The following MFAP5 variants were observed in gnomAD, a reference collection of about 807,000 sequenced individuals.
MFAP5 encodes the protein microfibrillar-associated protein 5.
Under a neutral mutation model 30.1 loss-of-function variants are expected in MFAP5, and 19 were observed. That is an observed-to-expected ratio of 0.63 (90% CI 0.44 to 0.93). The LOEUF is 0.93. Ranked by LOEUF, MFAP5 falls within the 40% of genes least tolerant of loss-of-function variation. MFAP5 has a pLI of 0.00. For missense variants in MFAP5, 210 were observed against 221.3 expected (o/e 0.95, Z 0.32); for synonymous variants, 92 against 72.9 (o/e 1.26, Z -1.33).
intron 7 of MFAP5, among the ~76,000 whole-genome samples, chr12:8,651,287 C>A (rs897704981): frequency 3.3e-5 from 5 of 152,052 alleles, no homozygotes; most frequent in Admixed American, 2.0e-4. Context: ...AGTTTTCAAC[C>A]CTAGCTATAT....
At chr12:8,654,504 G>T in intron 5 of MFAP5, 23 bp from the exon 6 acceptor site, 1 of 1,593,398 alleles carries the variant, frequency 6.3e-7, no homozygotes, top group South Asian at 1.1e-5. Context: ...AAAACAGCAG[G>T]TATGAGGAGG....
chr12:8,654,598 GT>G, intron 5 of MFAP5, 117 bp from the exon 6 acceptor site: 2 of 931,852 alleles, frequency 2.1e-6, no homozygotes, highest in Non-Finnish European at 3.4e-6. Context: ...CTGGCTTTGT[GT>G]TTTATGTATA....
At chr12:8,661,097 A>G (rs1004851490) in intron 2 of MFAP5, among the ~76,000 whole-genome samples, 199 bp from the exon 3 acceptor site, 2 of 152,182 alleles carry the variant, frequency 1.3e-5, no homozygotes, top group Non-Finnish European at 2.9e-5. Context: ...CTTCAGAAAG[A>G]CAAGTTCCTT....
chr12:8,655,935 T>C, intron 3 of MFAP5, 105 bp from the exon 4 acceptor site: 4 of 930,304 alleles, frequency 4.3e-6, no homozygotes, highest in South Asian at 2.8e-5. Context: ...CGGAGTTGAG[T>C]ATCCCACAAA....
At chr12:8,655,263 G>T in intron 5 of MFAP5, 152 bp downstream of exon 5, 1 of 777,000 alleles carries the variant, frequency 1.3e-6, no homozygotes, top group Non-Finnish European at 2.0e-6. Context: ...TCCAGCCTGG[G>T]CAACAGAATG....
At chr12:8,661,699 G>C (rs1184948488) in intron 2 of MFAP5, among the ~76,000 whole-genome samples, 7 of 151,758 alleles carry the variant, frequency 4.6e-5, no homozygotes, top group Non-Finnish European at 8.8e-5. Flanking sequence ...TTTCTAGGTA[G>C]TCCCTCCTCT....
Position 8,649,501 on chromosome 12 carries a change from C to A in MFAP5, c.409G>T (p.Asp137Tyr). The A allele has an allele frequency of 1.2e-6, 2 of 1,613,604 alleles. No homozygotes were observed. Among genetic ancestry groups the A allele is most frequent in the Non-Finnish European group, 1.7e-6 (2 of 1,179,636 alleles). ...LVCKEHEAMK[D>Y]ELCRQMAGLP... Reference sequence around the variant, plus strand: ...ATTAAACATCCAGACATCATCTTACCTTTCATAGCTTCGTGTTCCTTACAG... The same window carrying A: ...ATTAAACATCCAGACATCATCTTACATTTCATAGCTTCGTGTTCCTTACAG... Residue 137 changes from aspartate (D) to tyrosine (Y), a missense_variant and splice_region_variant, in exon 9 of 10, where the codon GAT (aspartate) becomes TAT (tyrosine). Coordinates refer to ENST00000359478, the MANE Select transcript of MFAP5 (RefSeq NM_003480.4).
At chr12:8,654,163 C>T (rs1287156751) in intron 6 of MFAP5, 1 of 294,934 alleles carries the variant, frequency 3.4e-6, no homozygotes, top group Non-Finnish European at 6.3e-6. Flanking sequence ...CAAAGCATTA[C>T]TTCTTCTACC....
At position 8,648,096 on chromosome 12, in the gene MFAP5, G is replaced by A. The variant is rs780048039; in HGVS notation, c.517C>T (p.Leu173=). The change falls in exon 10 of 10, where the codon CTG becomes TTG. Residue 173 remains leucine, a synonymous_variant. Coordinates refer to ENST00000359478, the MANE Select transcript of MFAP5 (RefSeq NM_003480.4). ...ENVDLQRPNG[L] is the part of the protein sequence containing the mutation. ...TCTTTCCTCTTTTTCAATGATCACA[G>A]ACCATTGGGTCTCTGCAAATCCACA... 1 of 1,610,598 alleles carries A rather than the reference G, an allele frequency of 6.2e-7. No homozygotes were observed. Among genetic ancestry groups the A allele is most frequent in the Admixed American group, 1.7e-5 (1 of 59,970 alleles).
intron 7 of MFAP5, 115 bp downstream of exon 7, chr12:8,651,547 A>G: frequency 9.3e-7 from 1 of 1,072,366 alleles, no homozygotes; most frequent in Non-Finnish European, 1.4e-6. Context: ...ATACTCTTTG[A>G]GAAATAATTG....
rs1941742889 is a variant in MFAP5 at position 8,648,464 on chromosome 12, A to G, written c.410-261T>C. On this transcript the variant is annotated intron_variant, in intron 9 of 9. Coordinates refer to ENST00000359478, the MANE Select transcript of MFAP5 (RefSeq NM_003480.4). Reference sequence around the variant, plus strand: ...CAACAGTATATTTCTGAGTATTAAAATGAAATCATGTATGCAAAGTACCTA... The same window carrying G: ...CAACAGTATATTTCTGAGTATTAAAGTGAAATCATGTATGCAAAGTACCTA... 8.5e-6 allele frequency: 10 copies of G among 1,176,860 alleles called. No homozygotes were observed. In the South Asian group the frequency reaches 1.2e-4, roughly 15 times the overall value. 72.9% of individuals were successfully genotyped at this position (1,176,860 alleles called of 1,614,324 possible). A position where few individuals can be genotyped will look rare whatever the true frequency, so the allele number is the denominator to read the frequency against.
chr12:8,650,363 C>T, intron 8 of MFAP5, 139 bp downstream of exon 8: 1 of 712,182 alleles, frequency 1.4e-6, no homozygotes, highest in Non-Finnish European at 2.5e-6. Context: ...TTGGTACATT[C>T]AGCAATAACT....
rs1378492625 is a variant in MFAP5, at chr12:8,648,658, C to G, written c.410-455G>C. The G allele has an allele frequency of 7.1e-6, 4 of 565,220 alleles. No homozygotes were observed. The Admixed American group carries it at 9.5e-5, about 13-fold the overall frequency. The allele number at this position is 565,220 out of a possible 1,614,324, so 35.0% of individuals were successfully genotyped here. A position where few individuals can be genotyped will look rare whatever the true frequency, so the allele number is the denominator to read the frequency against. Reference sequence around the variant, plus strand: ...AAGTCCCTTGAGATACTTGAAAGTGCCTAGAGTCCCAAATACCCATCCTCA... The same window carrying G: ...AAGTCCCTTGAGATACTTGAAAGTGGCTAGAGTCCCAAATACCCATCCTCA... On this transcript the variant is annotated intron_variant, in intron 9 of 9. Coordinates refer to ENST00000359478, the MANE Select transcript of MFAP5 (RefSeq NM_003480.4).
Position 8,654,451 on chromosome 12 carries a change from GA to G in MFAP5, c.202del (p.Ser68ProfsTer68). 1 of 1,603,540 alleles carries G rather than the reference GA, an allele frequency of 6.2e-7. No homozygotes were observed. The highest frequency in any genetic ancestry group is 1.1e-5 in the South Asian group (1 of 88,578). On this transcript the variant is annotated frameshift_variant, in exon 6 of 10. Coordinates refer to ENST00000359478, the MANE Select transcript of MFAP5 (RefSeq NM_003480.4). LOFTEE classifies it high-confidence loss of function. The stretch of plus-strand genomic sequence containing the variant: ...TCTGAACTCACCCAAGTCATCTGTG[GA>G]AGGTGCAATATCAGCCAAAACAGCC... ...VLAVLADIAPSTDDLASLSEK... is the reference protein window; with the variant it reads ...VLAVLADIAPXTDDLASLSEK...
intron 3 of MFAP5, among the ~76,000 whole-genome samples, chr12:8,658,778 G>A (rs35337965): frequency 0.078 from 11,865 of 151,380 alleles, 534 homozygotes; most frequent in Non-Finnish European, 0.084. Flanking sequence ...CCATATAAAT[G>A]CTTTATCTAG....
At chr12:8,660,129 T>C (rs1029419830) in intron 3 of MFAP5, among the ~76,000 whole-genome samples, 1 of 152,018 alleles carries the variant, frequency 6.6e-6, no homozygotes, top group Non-Finnish European at 1.5e-5. Context: ...AAAAATACCT[T>C]TTGGGTTTTG....
At position 8,645,956 on chromosome 12, in the gene MFAP5, G is replaced by T. The variant is rs900475912; in HGVS notation, c.*2135C>A. ...GAAGAGAAAAAGAACCAGAACAAAA[G>T]ACATTTTATTTTGAGAAATAAATTG... is the stretch of plus-strand genomic sequence containing the variant. On this transcript the variant is annotated 3_prime_UTR_variant, in exon 10 of 10. Coordinates refer to ENST00000359478, the MANE Select transcript of MFAP5 (RefSeq NM_003480.4). 3.9e-5 allele frequency: 6 copies of T among 152,446 alleles called. No individual in the cohort carries two copies. The highest frequency in any genetic ancestry group is 1.4e-4 in the African/African-American group (6 of 41,390). 9.4% of individuals were successfully genotyped at this position (152,446 alleles called of 1,614,324 possible).
chr12:8,656,270 G>T (rs1264308393), intron 3 of MFAP5, among the ~76,000 whole-genome samples: 3 of 151,206 alleles, frequency 2.0e-5, no homozygotes, highest in African/African-American at 7.3e-5. Flanking sequence ...CCGTGGTCTC[G>T]ATCTCCTGAC....
At chr12:8,649,635 C>T (rs1312107168) in intron 8 of MFAP5, 61 bp from the exon 9 acceptor site, 1 of 1,388,320 alleles carries the variant, frequency 7.2e-7, no homozygotes. Flanking sequence ...GAGAGGAGAA[C>T]TCACCTGGGT....
Sources: allele counts gnomAD v4.1 joint callset (sites outside exome capture counted in the v4.1 genomes callset), GRCh38; gene constraint gnomAD v4.1.1; transcripts MANE v1.5; gene names NCBI Gene and HGNC (gene_info 2026-07-23, HGNC 2026-07-21).